Variants in MDN1 observed in about 807,000 individuals in gnomAD.
MDN1 encodes midasin.
In MDN1, 266 loss-of-function variants were observed where a neutral mutation model predicts 669.2. The ratio of observed to expected loss-of-function variants is 0.40; its 90% CI spans 0.36 to 0.44. The LOEUF (loss-of-function observed/expected upper bound fraction) is 0.44, where lower values mean the gene tolerates loss of function less well. Ranked by LOEUF, MDN1 falls within the 20% of genes least tolerant of loss-of-function variation. MDN1 has a pLI of 1.00. For missense variants in MDN1, 5,940 were observed against 6,754.0 expected (o/e 0.88, Z 4.22); for synonymous variants, 2,385 against 2,457.1 (o/e 0.97, Z 0.87).
intron 95 of MDN1, among the ~76,000 whole-genome samples, chr6:89,651,799 G>T (rs1808890437): frequency 6.6e-6 from 1 of 152,122 alleles, no homozygotes; most frequent in South Asian, 2.1e-4. Context: ...CAGATGCAAA[G>T]TCATTAAAAA....
rs557446393 is a variant in MDN1, at chr6:89,674,006, T to A, written c.13247+98A>T. On this transcript the variant is annotated intron_variant, in intron 79 of 101. Coordinates refer to ENST00000369393, the MANE Select transcript of MDN1 (RefSeq NM_014611.3). ...GGTTCCAGGGCTGTCTAAAAGCTGC[T>A]GCTTTCTGTTCACACCCTTCCCTTC... is the stretch of plus-strand genomic sequence containing the variant. The A allele has an allele frequency of 5.2e-5, 63 of 1,218,606 alleles. No homozygotes were observed. In the South Asian group the frequency reaches 8.2e-4, roughly 16 times the overall value. 75.5% of individuals were successfully genotyped at this position (1,218,606 alleles called of 1,614,324 possible). A position where few individuals can be genotyped will look rare whatever the true frequency, so the allele number is the denominator to read the frequency against.
In MDN1 at chr6:89,661,450, G is replaced by C. The variant is rs572119471; in HGVS notation, c.14694C>G (p.Thr4898=). ...DSEDKNGGED[T]DNEEGEEENP... ...ACGCACCTTCTCCTTCTTCATTGTC[G>C]GTGTCCTCACCACCATTCTTGTCTT... Residue 4898 remains threonine (T), a synonymous_variant, in exon 88 of 102, where the codon ACC becomes ACG. Transcript: ENST00000369393. 3 of 1,612,882 alleles carry C rather than the reference G, an allele frequency of 1.9e-6. No individual in the cohort carries two copies. The highest frequency in any genetic ancestry group is 2.5e-6 in the Non-Finnish European group (3 of 1,179,696).
chr6:89,800,018 A>C (rs1251778885), intron 2 of MDN1, among the ~76,000 whole-genome samples: 1 of 152,146 alleles, frequency 6.6e-6, no homozygotes, highest in East Asian at 1.9e-4. Flanking sequence ...TAAAGTTAAA[A>C]CTTTCAGCCC....
At chr6:89,781,280 G>T in intron 10 of MDN1, 119 bp downstream of exon 10, 1 of 880,300 alleles carries the variant, frequency 1.1e-6, no homozygotes, top group Non-Finnish European at 1.8e-6. Flanking sequence ...GAACCTAGGA[G>T]GCGGAGGTTG....
chr6:89,697,663 C>G (rs143666149), intron 59 of MDN1, among the ~76,000 whole-genome samples: 1,533 of 151,622 alleles, frequency 0.01, 14 homozygotes, highest in Middle Eastern at 0.034. Flanking sequence ...CTCACTGCAA[C>G]CTCTGCCTCC....
chr6:89,650,479 G>T (rs1808773706), intron 96 of MDN1, among the ~76,000 whole-genome samples: 1 of 152,226 alleles, frequency 6.6e-6, no homozygotes, highest in Admixed American at 6.5e-5. Context: ...TCTTTGAAAA[G>T]ATCTAGGTGA....
intron 1 of MDN1, among the ~76,000 whole-genome samples, chr6:89,808,414 T>TC (rs1768153358): frequency 2.0e-5 from 3 of 152,200 alleles, no homozygotes; most frequent in African/African-American, 7.2e-5. Context: ...GATTTAGCCC[T>TC]AGAGTGTGGC....
At chr6:89,754,384 A>C (rs1018553684) in intron 20 of MDN1, among the ~76,000 whole-genome samples, 154 bp from the exon 21 acceptor site, 1 of 152,230 alleles carries the variant, frequency 6.6e-6, no homozygotes, top group African/African-American at 2.4e-5. Flanking sequence ...AGTCTCTTTT[A>C]AACCTACTTT....
intron 46 of MDN1, 47 bp downstream of exon 46, chr6:89,714,496 T>A: frequency 7.0e-7 from 1 of 1,436,006 alleles, no homozygotes; most frequent in Non-Finnish European, 9.5e-7. Context: ...GACATAAATT[T>A]CTTGAAGACT....
chr6:89,645,281 C>A, intron 100 of MDN1, 124 bp from the exon 101 acceptor site: 1 of 1,042,278 alleles, frequency 9.6e-7, no homozygotes, highest in Non-Finnish European at 1.3e-6. Flanking sequence ...AAACAGACCT[C>A]TAAAGCTGAT....
intron 33 of MDN1, among the ~76,000 whole-genome samples, chr6:89,735,645 T>TTA (rs1815923990): frequency 6.6e-6 from 1 of 152,148 alleles, no homozygotes; most frequent in African/African-American, 2.4e-5. Context: ...ACAGTGGTAT[T>TTA]TATATACTCA....
intron 2 of MDN1, among the ~76,000 whole-genome samples, chr6:89,802,332 A>G (rs1284237168): frequency 1.3e-5 from 2 of 152,250 alleles, no homozygotes; most frequent in Non-Finnish European, 2.9e-5. Flanking sequence ...TACTTCCAAG[A>G]AAGCCAAAGT....
At chr6:89,675,773 T>G in intron 77 of MDN1, 194 bp from the exon 78 acceptor site, 1 of 579,304 alleles carries the variant, frequency 1.7e-6, no homozygotes, top group Non-Finnish European at 3.0e-6. Context: ...GAACTGGATT[T>G]AACTCCAAAA....
rs1816829800 is a variant in MDN1 at position 89,749,266 on chromosome 6, G to A, written c.3719C>T (p.Pro1240Leu). Residue 1240 changes from proline to leucine, a missense_variant, in exon 26 of 102, where the codon CCC (proline) becomes CTC (leucine). This residue lies in a region of MDN1 where 2,292 missense variants were observed against 2,638.3 expected (regional missense o/e 0.87). Transcript: ENST00000369393. ...TTTAACCAACTTGCTGCAATAGGAG[G>A]GTGGCAAACTACACCGCTTGTGCAA... is the stretch of plus-strand genomic sequence containing the variant. Reference protein sequence around the residue: ...TILHKRCSLPPSYCSKLVKVM... With the variant: ...TILHKRCSLPLSYCSKLVKVM... The A allele has an allele frequency of 6.2e-7, 1 of 1,613,978 alleles. No homozygotes were observed. The highest frequency in any genetic ancestry group is 1.1e-5 in the South Asian group (1 of 91,064).
intron 16 of MDN1, 114 bp downstream of exon 16, chr6:89,762,205 G>A (rs1321776366): frequency 1.1e-6 from 1 of 873,084 alleles, no homozygotes; most frequent in Non-Finnish European, 1.8e-6. Flanking sequence ...AGTCACTTCT[G>A]CCAAAGTCCT....
At chr6:89,692,096 A>C (rs1158590968) in intron 63 of MDN1, among the ~76,000 whole-genome samples, 1 of 152,230 alleles carries the variant, frequency 6.6e-6, no homozygotes, top group African/African-American at 2.4e-5. Flanking sequence ...ATTGCATACA[A>C]TGAGAGCAAA....
chr6:89,685,335 G>A (rs952445278), intron 70 of MDN1, among the ~76,000 whole-genome samples: 1 of 151,928 alleles, frequency 6.6e-6, no homozygotes, highest in Non-Finnish European at 1.5e-5. Context: ...TTTAAAAGAT[G>A]GCATATTAAG....
intron 50 of MDN1, 46 bp downstream of exon 50, chr6:89,710,635 T>C: frequency 1.8e-6 from 2 of 1,139,192 alleles, no homozygotes; most frequent in Non-Finnish European, 1.2e-6. Context: ...AGTCAAAAGA[T>C]AAGTTTCCAA....
chr6:89,795,617 C>T (rs1055383943), intron 2 of MDN1, among the ~76,000 whole-genome samples: 8 of 151,950 alleles, frequency 5.3e-5, no homozygotes, highest in African/African-American at 1.7e-4. Context: ...GCAAACCCTT[C>T]GCTAGATTAA....
Sources: allele counts gnomAD v4.1 joint callset (sites outside exome capture counted in the v4.1 genomes callset), GRCh38; gene constraint gnomAD v4.1.1; regional missense constraint gnomAD v4.1.1; transcripts MANE v1.5; gene names NCBI Gene and HGNC (gene_info 2026-07-23, HGNC 2026-07-21).